HDGFL3: variants seen among roughly 807,000 people sequenced by gnomAD.
HDGFL3 encodes the protein HDGF like 3, also known as hepatoma-derived growth factor-related protein 3.
HDGFL3 carries 6 observed loss-of-function variants against 27.6 expected under a neutral mutation model. The ratio of observed to expected loss-of-function variants is 0.22; its 90% CI spans 0.12 to 0.43. The LOEUF (loss-of-function observed/expected upper bound fraction) is 0.43. Among genes scored for constraint, HDGFL3 ranks in the 20% least tolerant of loss-of-function variants. HDGFL3 has a pLI of 1.00. For missense variants in HDGFL3, 207 were observed against 250.1 expected, an observed-to-expected ratio of 0.83 and a Z score of 1.16; for synonymous variants, 88 against 88.9, an observed-to-expected ratio of 0.99 and a Z score of 0.05.
Position 83,131,036 on chromosome 15 carries a change from G to A in HDGFL3, c.*8234C>T, listed in dbSNP as rs1462496251. The A allele has an allele frequency of 6.6e-6, 1 of 152,200 alleles. No homozygotes were observed. Among genetic ancestry groups the A allele is most frequent in the Admixed American group, 6.5e-5 (1 of 15,288 alleles). The allele number at this position is 152,200 out of a possible 1,614,324, so 9.4% of individuals were successfully genotyped here. On this transcript the variant is annotated 3_prime_UTR_variant, in exon 6 of 6. Coordinates refer to ENST00000299633, the MANE Select transcript of HDGFL3 (RefSeq NM_016073.4). ...AACCAGGAGGCAGAGGTTGCAGTGA[G>A]CCGAGACTGTGTCACTGCACTCTCC...
At chr15:83,163,320 C>T (rs951741772) in intron 2 of HDGFL3, among the ~76,000 whole-genome samples, 5 of 152,194 alleles carry the variant, frequency 3.3e-5, no homozygotes, top group African/African-American at 1.2e-4. Flanking sequence ...TTCCTCCTTC[C>T]CACTGCCTGC....
intron 1 of HDGFL3, among the ~76,000 whole-genome samples, chr15:83,185,624 G>C (rs1282033706): frequency 2.0e-5 from 3 of 152,196 alleles, no homozygotes; most frequent in Non-Finnish European, 2.9e-5. Context: ...CCTGGGAAGA[G>C]GGAGTTTTAG....
chr15:83,194,155 G>A (rs1334399897), intron 1 of HDGFL3, among the ~76,000 whole-genome samples: 2 of 151,884 alleles, frequency 1.3e-5, no homozygotes, highest in Non-Finnish European at 2.9e-5. Context: ...TAACCAAAAG[G>A]TGAAAAAAAC....
intron 2 of HDGFL3, 116 bp from the exon 3 acceptor site, chr15:83,158,157 A>T: frequency 1.2e-6 from 1 of 822,904 alleles, no homozygotes; most frequent in South Asian, 2.1e-5. Context: ...TCTAAAGTAC[A>T]TATAAACCCT....
intron 1 of HDGFL3, among the ~76,000 whole-genome samples, chr15:83,193,081 A>C (rs1195096252): frequency 7.2e-6 from 1 of 139,122 alleles, no homozygotes; most frequent in African/African-American, 3.2e-5. Context: ...CATCTCTTCC[A>C]GAGTCCCGTT....
chr15:83,116,010 G>C, intron 3 of HDGFL3: 2 of 1,225,324 alleles, frequency 1.6e-6, no homozygotes, highest in South Asian at 1.2e-5. Context: ...ATTACTCAGA[G>C]ACAGAAATCC....
At chr15:83,174,953 T>C (rs1247611672) in intron 1 of HDGFL3, among the ~76,000 whole-genome samples, 9 of 152,238 alleles carry the variant, frequency 5.9e-5, no homozygotes, top group African/African-American at 2.4e-5. Context: ...AACATTTGAA[T>C]TAGTTACAAA....
At chr15:83,195,457 T>G (rs766621910) in intron 1 of HDGFL3, among the ~76,000 whole-genome samples, 17 of 152,154 alleles carry the variant, frequency 1.1e-4, no homozygotes, top group Non-Finnish European at 2.1e-4. Flanking sequence ...CATCGAGATC[T>G]ACATATATTG....
chr15:83,115,618 A>G (rs1388367735), exon 4 of HDGFL3: 2 of 666,542 alleles, frequency 3.0e-6, no homozygotes, highest in Non-Finnish European at 5.5e-6. Flanking sequence ...TCCTGTGATG[A>G]GTGTTCCCTT....
chr15:83,126,734 TGA>T (rs771516777), downstream of HDGFL3: 18 of 1,584,864 alleles, frequency 1.1e-5, no homozygotes, highest in Non-Finnish European at 1.5e-5. Context: ...ATTTTTATAA[TGA>T]GTTTATTTTT....
intron 1 of HDGFL3, among the ~76,000 whole-genome samples, chr15:83,180,396 G>GA (rs1274723646): frequency 2.4e-4 from 36 of 151,848 alleles, no homozygotes; most frequent in Non-Finnish European, 1.0e-4. Context: ...AAAACGTAGA[G>GA]AAAAAAACAT....
rs2036680373 is a variant in HDGFL3, at chr15:83,137,717, G to A, written c.*1553C>T. The A allele has an allele frequency of 6.6e-6, 1 of 152,008 alleles. No individual in the cohort carries two copies. The allele number at this position is 152,008 out of a possible 1,614,324, so 9.4% of individuals were successfully genotyped here. On this transcript the variant is annotated 3_prime_UTR_variant, in exon 6 of 6. Coordinates refer to ENST00000299633, the MANE Select transcript of HDGFL3 (RefSeq NM_016073.4). ...ACAGCCACCTCCTCACTGTGCCCTG[G>A]AATGATAAATGGACTGGTGCTTTCA...
rs113581330 is a variant in HDGFL3 at position 83,201,441 on chromosome 15, T to A, written c.84+5890A>T. On this transcript the variant is annotated intron_variant, in intron 1 of 5. Transcript: ENST00000299633. Reference sequence around the variant, plus strand: ...AGAACACCTTTTTGTAGTGGATGAATAACTACATCAAGTGGGATGGATTCT... The same window carrying A: ...AGAACACCTTTTTGTAGTGGATGAAAAACTACATCAAGTGGGATGGATTCT... Among the ~76,000 whole-genome samples, 283 of 152,316 alleles carry A rather than the reference T, an allele frequency of 1.9e-3. 2 individuals are homozygous for A. Among genetic ancestry groups the A allele is most frequent in the African/African-American group, 6.5e-3 (271 of 41,558 alleles).
chr15:83,195,975 T>A (rs2037565978), intron 1 of HDGFL3, among the ~76,000 whole-genome samples: 1 of 151,998 alleles, frequency 6.6e-6, no homozygotes. Context: ...AAATAGCAGA[T>A]CACTATATTT....
chr15:83,143,519 T>G (rs1203252164), intron 5 of HDGFL3, among the ~76,000 whole-genome samples: 1 of 151,932 alleles, frequency 6.6e-6, no homozygotes. Context: ...GAGGCGGAGG[T>G]TGCAGTGAGC....
At chr15:83,127,403 C>T (rs1486090945), downstream of HDGFL3, 1 of 1,613,936 alleles carries the variant, frequency 6.2e-7, no homozygotes, top group African/African-American at 1.3e-5. Flanking sequence ...TGTGACTGCA[C>T]TGTATGGCTT....
chr15:83,205,138 AT>A (rs1197925946), intron 1 of HDGFL3, among the ~76,000 whole-genome samples: 1 of 152,164 alleles, frequency 6.6e-6, no homozygotes, highest in Non-Finnish European at 1.5e-5. Context: ...CCCAGTTAGC[AT>A]TTTATAACAT....
intron 1 of HDGFL3, among the ~76,000 whole-genome samples, chr15:83,181,538 C>T (rs1400550628): frequency 6.6e-6 from 1 of 152,130 alleles, no homozygotes; most frequent in Non-Finnish European, 1.5e-5. Flanking sequence ...TGCAGAGGTG[C>T]GATCTCAGCT....
chr15:83,146,998 C>A (rs535240530), intron 5 of HDGFL3, among the ~76,000 whole-genome samples: 1 of 152,140 alleles, frequency 6.6e-6, no homozygotes, highest in South Asian at 2.1e-4. Context: ...AAATACTCTG[C>A]CTTTCCTTCC....
Sources: allele counts gnomAD v4.1 joint callset (sites outside exome capture counted in the v4.1 genomes callset), GRCh38; gene constraint gnomAD v4.1.1; transcripts MANE v1.5; gene names NCBI Gene and HGNC (gene_info 2026-07-23, HGNC 2026-07-21).